Variants in KSR1 observed in about 807,000 individuals in gnomAD.
KSR1 encodes the protein kinase suppressor of ras.
In KSR1, 35 loss-of-function variants were observed where a neutral mutation model predicts 92.9. The observed-to-expected ratio is 0.38, with a 90% CI of 0.29 to 0.50. The LOEUF is 0.50. KSR1 is among the 20% of genes least tolerant of loss of function. KSR1 has a pLI of 0.94. For missense variants in KSR1, 972 were observed against 1,158.5 expected (o/e 0.84, Z 2.34); for synonymous variants, 467 against 472.6 (o/e 0.99, Z 0.15).
chr17:27,596,512 A>G (rs2073349997), intron 9 of KSR1, among the ~76,000 whole-genome samples: 1 of 152,250 alleles, frequency 6.6e-6, no homozygotes, highest in South Asian at 2.1e-4. Flanking sequence ...AAGTTGGGAC[A>G]ACATGAGTGA....
intron 1 of KSR1, among the ~76,000 whole-genome samples, chr17:27,504,998 C>G (rs2069325253): frequency 6.6e-6 from 1 of 152,150 alleles, no homozygotes; most frequent in Non-Finnish European, 1.5e-5. Context: ...TGTGGGAGGG[C>G]TCTGTCCCAT....
intron 2 of KSR1, among the ~76,000 whole-genome samples, chr17:27,563,807 A>C (rs888126350): frequency 6.6e-6 from 1 of 152,008 alleles, no homozygotes; most frequent in Non-Finnish European, 1.5e-5. Context: ...GTGCCATCTC[A>C]TCCTCTGACC....
At position 27,607,824 on chromosome 17, in the gene KSR1, C is replaced by T. The variant is rs541026809; in HGVS notation, c.1995-90C>T. 3.0e-5 allele frequency: 28 copies of T among 919,744 alleles called. 1 individual carries two copies. Among genetic ancestry groups the T allele is most frequent in the South Asian group, 7.5e-5 (5 of 67,098 alleles). The allele number at this position is 919,744 out of a possible 1,614,324, so 57.0% of individuals were successfully genotyped here. On this transcript the variant is annotated intron_variant, in intron 14 of 20. Transcript: ENST00000644974. ...GCTGGAGAGAGTCCTTGCAGGCAGA[C>T]GGGCACAGTTCTCCCCATGGGCTCC...
At chr17:27,566,733 TG>T (rs1232896489) in intron 2 of KSR1, among the ~76,000 whole-genome samples, 1 of 152,246 alleles carries the variant, frequency 6.6e-6, no homozygotes, top group African/African-American at 2.4e-5. Context: ...CTTCATTCGC[TG>T]TCTTCTGTGT....
intron 14 of KSR1, among the ~76,000 whole-genome samples, chr17:27,606,949 A>G (rs920317622): frequency 3.3e-5 from 5 of 152,174 alleles, no homozygotes; most frequent in African/African-American, 1.2e-4. Context: ...TTCGTGCCTC[A>G]GCCTCCCAAG....
intron 1 of KSR1, among the ~76,000 whole-genome samples, chr17:27,458,128 A>AT (rs1043547082): frequency 2.0e-5 from 3 of 152,100 alleles, no homozygotes; most frequent in Admixed American, 6.5e-5. Context: ...GGGTATTATT[A>AT]TTTTTTATTA....
At chr17:27,537,560 G>A (rs922091546) in intron 1 of KSR1, among the ~76,000 whole-genome samples, 18 of 152,064 alleles carry the variant, frequency 1.2e-4, no homozygotes, top group East Asian at 1.9e-4. Flanking sequence ...GCGTGGTGGC[G>A]GGCACCTGTA....
intron 1 of KSR1, among the ~76,000 whole-genome samples, chr17:27,508,434 G>A (rs753525350): frequency 4.5e-4 from 69 of 152,218 alleles, no homozygotes; most frequent in Non-Finnish European, 7.1e-4. Context: ...GATCATCAAG[G>A]GCCTAAGTTG....
intron 1 of KSR1, among the ~76,000 whole-genome samples, chr17:27,496,744 G>T (rs1013831145): frequency 6.6e-6 from 1 of 152,226 alleles, no homozygotes; most frequent in Non-Finnish European, 1.5e-5. Context: ...CTCAGGATTT[G>T]CAGCCACCTG....
rs2074335898 is a variant in KSR1, at chr17:27,626,167, AG to A, written c.*2777del. Reference sequence around the variant, plus strand: ...TTTGTGCTATGCAGCAGTGTTAGCCAGGATCTCATCAGCGTGCAAACCTAGC... The same window carrying A: ...TTTGTGCTATGCAGCAGTGTTAGCCAGATCTCATCAGCGTGCAAACCTAGC... On this transcript the variant is annotated 3_prime_UTR_variant, in exon 21 of 21. Transcript: ENST00000644974. 6.6e-6 allele frequency: 1 copy of A among 152,258 alleles called. No homozygotes were observed. The highest frequency in any genetic ancestry group is 2.4e-5 in the African/African-American group (1 of 41,470). 9.4% of individuals were successfully genotyped at this position (152,258 alleles called of 1,614,324 possible).
chr17:27,476,578 T>G (rs1239890109), intron 1 of KSR1, among the ~76,000 whole-genome samples: 1 of 152,110 alleles, frequency 6.6e-6, no homozygotes, highest in Non-Finnish European at 1.5e-5. Context: ...TGCCCAACAC[T>G]CACAGGGTCC....
chr17:27,570,222 G>A (rs765445713), intron 2 of KSR1, among the ~76,000 whole-genome samples: 28 of 152,166 alleles, frequency 1.8e-4, no homozygotes, highest in African/African-American at 5.6e-4. Flanking sequence ...GCAAATAAAC[G>A]CTGCCCTGGG....
At chr17:27,531,930 C>T (rs1283466389) in intron 1 of KSR1, among the ~76,000 whole-genome samples, 1 of 152,220 alleles carries the variant, frequency 6.6e-6, no homozygotes. Context: ...ACCAGCTAGA[C>T]CACTCGCTCA....
intron 1 of KSR1, among the ~76,000 whole-genome samples, chr17:27,458,890 A>C (rs8079439): frequency 0.015 from 2,358 of 152,228 alleles, 57 homozygotes; most frequent in African/African-American, 0.054. Flanking sequence ...AGGAGGCTGG[A>C]GTGGATCTCT....
intron 18 of KSR1, chr17:27,612,893 A>C (rs2073958288): frequency 6.6e-6 from 1 of 152,086 alleles, no homozygotes; most frequent in South Asian, 2.1e-4. Flanking sequence ...GATGAATTCA[A>C]CCTCATCGTC....
chr17:27,458,463 C>T (rs1597811672), intron 1 of KSR1, among the ~76,000 whole-genome samples: 1 of 152,132 alleles, frequency 6.6e-6, no homozygotes, highest in East Asian at 1.9e-4. Flanking sequence ...TCCTGGCTTC[C>T]AGAGTGTGTA....
chr17:27,579,310 A>G (rs62057823), intron 3 of KSR1: 21,948 of 152,108 alleles, frequency 0.14, 1,768 homozygotes, highest in South Asian at 0.23. Context: ...GAATGAAACC[A>G]CCTGGGCCCT....
chr17:27,614,110 T>TA (rs374688397), intron 18 of KSR1, among the ~76,000 whole-genome samples: 2 of 152,236 alleles, frequency 1.3e-5, no homozygotes, highest in African/African-American at 2.4e-5. Flanking sequence ...CATAGTCTTT[T>TA]AAAAAAATAT....
chr17:27,591,751 G>A (rs1304774519), intron 7 of KSR1, among the ~76,000 whole-genome samples: 2 of 152,178 alleles, frequency 1.3e-5, no homozygotes. Flanking sequence ...ATCATGTGGG[G>A]AGCACAGGAT....
Sources: allele counts gnomAD v4.1 joint callset (sites outside exome capture counted in the v4.1 genomes callset), GRCh38; gene constraint gnomAD v4.1.1; transcripts MANE v1.5; gene names NCBI Gene and HGNC (gene_info 2026-07-23, HGNC 2026-07-21).